PTPRN2: variants seen among roughly 807,000 people sequenced by gnomAD.
PTPRN2 encodes protein tyrosine phosphatase receptor type N2.
In PTPRN2, 74 loss-of-function variants were observed where a neutral mutation model predicts 118.8. The ratio of observed to expected loss-of-function variants is 0.62; its 90% CI spans 0.52 to 0.76. The LOEUF (loss-of-function observed/expected upper bound fraction) is 0.76, where lower values mean the gene tolerates loss of function less well. PTPRN2 is among the 30% of genes least tolerant of loss of function. The pLI is 0.00. For synonymous variants in PTPRN2, 641 were observed against 608.0 expected, an observed-to-expected ratio of 1.05 and a Z score of -0.80; for missense variants, 1,481 against 1,394.4, an observed-to-expected ratio of 1.06 and a Z score of -0.99.
At chr7:157,807,295 C>T (rs1805694520) in intron 12 of PTPRN2, among the ~76,000 whole-genome samples, 1 of 152,192 alleles carries the variant, frequency 6.6e-6, no homozygotes, top group Admixed American at 6.5e-5. Flanking sequence ...TGGCTGATTA[C>T]AAGGAAATCC....
chr7:157,711,610 C>A (rs1798623438), intron 12 of PTPRN2, among the ~76,000 whole-genome samples: 1 of 152,186 alleles, frequency 6.6e-6, no homozygotes, highest in Non-Finnish European at 1.5e-5. Context: ...CGGCAGACCT[C>A]CTGCTCTCCT....
rs555388065 is a variant in PTPRN2, at chr7:158,387,118, G to A, written c.164-70186C>T. ...GCCCAAATGCCTCTGAGGCCAAACC[G>A]GGACCCAGATCCCCAGGAGGCTGGG... On this transcript the variant is annotated intron_variant, in intron 2 of 22. Transcript: ENST00000389418. Among the ~76,000 whole-genome samples, 71 of 152,302 alleles carry A rather than the reference G, an allele frequency of 4.7e-4. 1 individual carries two copies. The South Asian group carries it at 0.014, about 29-fold the overall frequency.
intron 2 of PTPRN2, among the ~76,000 whole-genome samples, chr7:158,466,503 C>G (rs937661007): frequency 6.6e-6 from 1 of 152,140 alleles, no homozygotes; most frequent in African/African-American, 2.4e-5. Context: ...TTGAAAATGA[C>G]AGGATCTCCT....
intron 3 of PTPRN2, among the ~76,000 whole-genome samples, chr7:158,239,293 G>A (rs117104986): frequency 0.04 from 6,087 of 152,286 alleles, 198 homozygotes; most frequent in Admixed American, 0.095. Context: ...CTCTCTGTTG[G>A]AGCAGACGCG....
chr7:158,021,273 C>A (rs1027564811), intron 11 of PTPRN2, among the ~76,000 whole-genome samples: 1 of 152,094 alleles, frequency 6.6e-6, no homozygotes, highest in Non-Finnish European at 1.5e-5. Flanking sequence ...GGATGCTATT[C>A]AAGCCACAGT....
In PTPRN2 at chr7:158,089,865, A is replaced by C. The variant is rs1243232121; in HGVS notation, c.1644-8488T>G. Among the ~76,000 whole-genome samples the C allele has an allele frequency of 3.8e-4, 29 of 76,760 alleles. 2 individuals are homozygous for C. Among genetic ancestry groups the C allele is most frequent in the South Asian group, 7.4e-4 (1 of 1,360 alleles). 50.4% of individuals were successfully genotyped at this position (76,760 alleles called of 152,430 possible). Reference sequence around the variant, plus strand: ...TGATGAAAGAGGGAGTCTTCACACAAACCCTTCCTCCCCTGACGAAAGAGG... The same window carrying C: ...TGATGAAAGAGGGAGTCTTCACACACACCCTTCCTCCCCTGACGAAAGAGG... On this transcript the variant is annotated intron_variant, in intron 10 of 22. Coordinates refer to ENST00000389418, the MANE Select transcript of PTPRN2 (RefSeq NM_002847.5).
At chr7:158,323,410 G>A (rs1263338855) in intron 2 of PTPRN2, among the ~76,000 whole-genome samples, 1 of 152,192 alleles carries the variant, frequency 6.6e-6, no homozygotes, top group Admixed American at 6.5e-5. Context: ...CACTGCCTCT[G>A]GGACCGGAAT....
chr7:158,516,204 G>A (rs762656802), intron 1 of PTPRN2, among the ~76,000 whole-genome samples: 17 of 152,174 alleles, frequency 1.1e-4, no homozygotes, highest in Non-Finnish European at 1.0e-4. Flanking sequence ...TCCAGCCAGC[G>A]CAGTGGCTCA....
intron 12 of PTPRN2, among the ~76,000 whole-genome samples, chr7:157,802,291 C>T (rs529496622): frequency 2.6e-5 from 4 of 152,348 alleles, no homozygotes; most frequent in East Asian, 1.9e-4. Context: ...TTCTTCGGTG[C>T]GTTCAATTGT....
chr7:158,193,048 AG>A (rs768895292), intron 4 of PTPRN2, among the ~76,000 whole-genome samples: 2 of 152,252 alleles, frequency 1.3e-5, no homozygotes, highest in Non-Finnish European at 2.9e-5. Context: ...CAGTGCTCTC[AG>A]CCCCTCCGCT....
At chr7:158,542,295 C>T (rs574621036) in intron 1 of PTPRN2, among the ~76,000 whole-genome samples, 34 of 152,280 alleles carry the variant, frequency 2.2e-4, no homozygotes, top group Non-Finnish European at 4.6e-4. Context: ...GGATTACAGG[C>T]GCACGCCACC....
At chr7:158,316,778 C>T (rs201633579) in intron 3 of PTPRN2, 41 bp downstream of exon 3, 272 of 1,468,412 alleles carry the variant, frequency 1.9e-4, no homozygotes, top group Non-Finnish European at 2.3e-4. Flanking sequence ...TGCGGTCGCT[C>T]AGTGCGGCAG....
chr7:158,394,388 G>A (rs1188592192), intron 2 of PTPRN2, among the ~76,000 whole-genome samples: 1 of 152,304 alleles, frequency 6.6e-6, no homozygotes, highest in East Asian at 1.9e-4. Flanking sequence ...ACGGAAGTGT[G>A]AGAGGCACAG....
At chr7:157,592,178 C>A (rs1249352132) in intron 17 of PTPRN2, among the ~76,000 whole-genome samples, 1 of 152,214 alleles carries the variant, frequency 6.6e-6, no homozygotes, top group Non-Finnish European at 1.5e-5. Flanking sequence ...AGAATATATG[C>A]TCCTTGATTA....
At chr7:158,518,711 G>A (rs12533219) in intron 1 of PTPRN2, among the ~76,000 whole-genome samples, 33,693 of 152,044 alleles carry the variant, frequency 0.22, 4,063 homozygotes, top group South Asian at 0.38. Context: ...GAGGCCAGGC[G>A]CGGTGGTTCA....
chr7:158,441,153 A>G (rs994307384), intron 2 of PTPRN2, among the ~76,000 whole-genome samples: 1 of 141,604 alleles, frequency 7.1e-6, no homozygotes. Context: ...GATGGTGGTG[A>G]TAGTGATGGT....
intron 12 of PTPRN2, among the ~76,000 whole-genome samples, chr7:157,871,421 TGAGA>T (rs1811039446): frequency 6.6e-6 from 1 of 152,112 alleles, no homozygotes. Flanking sequence ...GCGTGACCTC[TGAGA>T]GAACTTGTAA....
intron 11 of PTPRN2, among the ~76,000 whole-genome samples, chr7:157,924,107 G>C (rs914349805): frequency 6.6e-6 from 1 of 152,138 alleles, no homozygotes; most frequent in Non-Finnish European, 1.5e-5. Context: ...GAGGGGGCCC[G>C]GTCCTGAGTG....
At chr7:157,877,065 G>C (rs1188252125) in intron 12 of PTPRN2, among the ~76,000 whole-genome samples, 1 of 151,982 alleles carries the variant, frequency 6.6e-6, no homozygotes, top group East Asian at 1.9e-4. Context: ...CAGCACCAGG[G>C]TTTCCTCGGG....
Sources: gnomAD v4.1 joint callset for allele counts (sites outside exome capture counted in the v4.1 genomes callset) on GRCh38, gnomAD v4.1.1 for gene constraint, MANE v1.5 for transcripts, NCBI Gene and HGNC (gene_info 2026-07-23, HGNC 2026-07-21) for gene names.